The following CPA5 variants were observed in gnomAD, a reference collection of about 807,000 sequenced individuals.
The protein encoded by CPA5 is carboxypeptidase A5.
In CPA5, 38 loss-of-function variants were observed where a neutral mutation model predicts 52.2. The ratio of observed to expected loss-of-function variants is 0.73; its 90% CI spans 0.56 to 0.95. The LOEUF is 0.95. Among genes scored for constraint, CPA5 ranks in the 40% least tolerant of loss-of-function variants. The pLI, the probability that CPA5 is intolerant of heterozygous loss-of-function variation, is 0.00. For missense variants in CPA5, 519 were observed against 566.7 expected, an observed-to-expected ratio of 0.92 and a Z score of 0.86; for synonymous variants, 198 against 213.7, an observed-to-expected ratio of 0.93 and a Z score of 0.64.
rs1796193313 is a variant in CPA5 at position 130,367,985 on chromosome 7, C to T, written c.1118C>T (p.Thr373Ile). 6.2e-7 allele frequency: 1 copy of T among 1,614,040 alleles called. No homozygotes were observed. The highest frequency in any genetic ancestry group is 1.7e-5 in the Admixed American group (1 of 60,028). ...IEYIFGSIST[T>I]LYVASGITVD... ...TACATTTTTGGCAGCATCAGCACCA[C>T]CCTCTGTGAGTGAGCCTCCCCTGGC... Residue 373 changes from threonine to isoleucine, a missense_variant, in exon 12 of 13, where the codon ACC becomes ATC. Thr to Ile is a moderately conservative substitution (Grantham distance 89). Transcript: ENST00000474905.
chr7:130,364,058 C>T (rs1244225406), intron 10 of CPA5, among the ~76,000 whole-genome samples: 1 of 152,056 alleles, frequency 6.6e-6, no homozygotes, highest in Non-Finnish European at 1.5e-5. Flanking sequence ...GACAAGGTCT[C>T]ACTCTGTCAC....
intron 4 of CPA5, 131 bp downstream of exon 4, chr7:130,347,978 G>A: frequency 3.0e-6 from 2 of 659,688 alleles, no homozygotes; most frequent in Non-Finnish European, 5.2e-6. Flanking sequence ...AGACCTGTGG[G>A]AAATCACACG....
At chr7:130,347,924 CCT>C in intron 4 of CPA5, 77 bp downstream of exon 4, 1 of 1,138,200 alleles carries the variant, frequency 8.8e-7, no homozygotes, top group Non-Finnish European at 1.3e-6. Flanking sequence ...GTCCTGCCCC[CCT>C]TTATCCCAAA....
downstream of CPA5, among the ~76,000 whole-genome samples, chr7:130,369,471 T>G (rs10239342): frequency 0.34 from 51,036 of 151,892 alleles, 8,719 homozygotes; most frequent in Admixed American, 0.44. Context: ...GGCTGTACTA[T>G]GCAGCAGGGA....
intron 7 of CPA5, 71 bp from the exon 8 acceptor site, chr7:130,362,367 C>A: frequency 8.7e-7 from 1 of 1,150,048 alleles, no homozygotes. Context: ...CAGGGACCTC[C>A]TTCCAGGTAG....
At chr7:130,349,394 A>G (rs1324045501) in intron 4 of CPA5, among the ~76,000 whole-genome samples, 1 of 152,140 alleles carries the variant, frequency 6.6e-6, no homozygotes, top group African/African-American at 2.4e-5. Context: ...AGATCATGCC[A>G]TTGCACCCCA....
chr7:130,363,145 C>A (rs1447669182), intron 9 of CPA5, 151 bp downstream of exon 9: 1 of 617,620 alleles, frequency 1.6e-6, no homozygotes, highest in African/African-American at 1.8e-5. Context: ...CACCTGCAGC[C>A]TCTTGCCCTC....
At chr7:130,362,307 C>G in intron 7 of CPA5, 131 bp from the exon 8 acceptor site, 2 of 577,218 alleles carry the variant, frequency 3.5e-6, no homozygotes, top group Non-Finnish European at 6.3e-6. Flanking sequence ...TACCTGCACA[C>G]ACACCCTCTT....
intron 5 of CPA5, among the ~76,000 whole-genome samples, chr7:130,359,109 G>A (rs1029715300): frequency 6.6e-6 from 1 of 152,130 alleles, no homozygotes; most frequent in South Asian, 2.1e-4. Context: ...CCCCCAGGGG[G>A]GTCAGTGCAC....
At chr7:130,368,384 GCA>G in intron 12 of CPA5, 24 bp from the exon 13 acceptor site, 1 of 1,608,972 alleles carries the variant, frequency 6.2e-7, no homozygotes, top group Non-Finnish European at 8.5e-7. Context: ...CTTTTGTGGG[GCA>G]CATTTTGGAA....
At chr7:130,346,212 G>C (rs544532365) in intron 2 of CPA5, among the ~76,000 whole-genome samples, 181 bp from the exon 3 acceptor site, 1 of 151,942 alleles carries the variant, frequency 6.6e-6, no homozygotes. Context: ...ACAAGGGGCT[G>C]CCCTGGCAAA....
intron 8 of CPA5, 44 bp from the exon 9 acceptor site, chr7:130,362,840 G>A: frequency 7.6e-7 from 1 of 1,312,910 alleles, no homozygotes; most frequent in Non-Finnish European, 1.1e-6. Flanking sequence ...CACCTCCCAG[G>A]AGACCCAGTA....
rs1554401664 is a variant in CPA5, at chr7:130,344,912, T to C, written c.-445T>C. On this transcript the variant is annotated 5_prime_UTR_variant, in exon 1 of 13. Transcript: ENST00000474905. ...AAGTACAGGGATAGTTGTCTCATCA[T>C]TGGTGGCTTAAAATGATGTTTTTGA... 1 of 152,194 alleles carries C rather than the reference T, an allele frequency of 6.6e-6. No homozygotes were observed. Among genetic ancestry groups the C allele is most frequent in the East Asian group, 1.9e-4 (1 of 5,198 alleles). The allele number at this position is 152,194 out of a possible 1,614,324, so 9.4% of individuals were successfully genotyped here.
downstream of CPA5, among the ~76,000 whole-genome samples, chr7:130,373,514 G>C (rs550257401): frequency 1.3e-5 from 2 of 152,364 alleles, no homozygotes; most frequent in Non-Finnish European, 2.9e-5. Flanking sequence ...GGAATGTGAG[G>C]GGCCTGTGTG....
downstream of CPA5, among the ~76,000 whole-genome samples, chr7:130,373,214 G>A (rs376443418): frequency 5.9e-5 from 9 of 151,786 alleles, 1 homozygote; most frequent in South Asian, 1.0e-3. Context: ...AACCCTGAAC[G>A]TTTTTTCCCC....
intron 8 of CPA5, 55 bp downstream of exon 8, chr7:130,362,594 C>A: frequency 7.8e-7 from 1 of 1,276,070 alleles, no homozygotes; most frequent in Non-Finnish European, 1.1e-6. Flanking sequence ...CAACTGGGGG[C>A]AGGAACTTAC....
At chr7:130,372,008 C>A (rs11973596), downstream of CPA5, among the ~76,000 whole-genome samples, 2 of 152,216 alleles carry the variant, frequency 1.3e-5, no homozygotes, top group African/African-American at 4.8e-5. Flanking sequence ...TCCTGCCCAG[C>A]GGCTTTGTGT....
Position 130,362,919 on chromosome 7 carries a change from AGACATACTGAAT to A in CPA5, c.674_685del (p.Asp225_Asn228del). 1.9e-6 allele frequency: 3 copies of A among 1,613,598 alleles called. No individual in the cohort carries two copies. Among genetic ancestry groups the A allele is most frequent in the Non-Finnish European group, 2.5e-6 (3 of 1,179,550 alleles). ...ATTATGGCAAAGACCGTGTCCTGAC[AGACATACTGAAT>A]GCCATGGACATCTTCATAGAGCTCG... On this transcript the variant is annotated inframe_deletion, in exon 9 of 13. Transcript: ENST00000474905.
chr7:130,351,112 G>A (rs1171349220), intron 5 of CPA5, among the ~76,000 whole-genome samples: 2 of 152,198 alleles, frequency 1.3e-5, no homozygotes, highest in African/African-American at 4.8e-5. Context: ...GCACAGGGCT[G>A]GGGAACTTTG....
Sources: allele counts gnomAD v4.1 joint callset (sites outside exome capture counted in the v4.1 genomes callset), GRCh38; gene constraint gnomAD v4.1.1; transcripts MANE v1.5; gene names NCBI Gene and HGNC (gene_info 2026-07-23, HGNC 2026-07-21).